The following ANKRD11 variants were observed in gnomAD, a reference collection of about 807,000 sequenced individuals.
The protein encoded by ANKRD11 is ankyrin repeat domain-containing protein 11.
A neutral mutation model predicts 195.7 loss-of-function variants in ANKRD11; 17 were observed. That is an observed-to-expected ratio of 0.09 (90% confidence interval 0.06 to 0.13). The LOEUF is 0.13. Among genes scored for constraint, ANKRD11 ranks in the 10% least tolerant of loss-of-function variants. The pLI is 1.00. For missense variants in ANKRD11, 3,735 were observed against 3,566.1 expected, an observed-to-expected ratio of 1.05 and a Z score of -1.21; for synonymous variants, 1,953 against 1,528.1, an observed-to-expected ratio of 1.28 and a Z score of -6.49.
intron 2 of ANKRD11, chr16:89,324,054 G>A (rs1278678096): frequency 8.2e-6 from 2 of 242,578 alleles, no homozygotes; most frequent in Non-Finnish European, 1.6e-5. Flanking sequence ...GTTTCACCAT[G>A]TTGGCCAGGG....
intron 1 of ANKRD11, chr16:89,431,394 C>A (rs2042971653): frequency 6.5e-6 from 1 of 153,248 alleles, no homozygotes; most frequent in Non-Finnish European, 1.5e-5. Flanking sequence ...CCATGATGAT[C>A]ACACACCCAG....
chr16:89,368,377 T>C (rs955813210), intron 2 of ANKRD11, among the ~76,000 whole-genome samples: 2 of 126,844 alleles, frequency 1.6e-5, no homozygotes, highest in Non-Finnish European at 3.3e-5. Context: ...TTGTGTTTTT[T>C]TTTTTTTTTT....
At chr16:89,471,646 G>C (rs566784678) in intron 1 of ANKRD11, among the ~76,000 whole-genome samples, 1 of 151,782 alleles carries the variant, frequency 6.6e-6, no homozygotes, top group Non-Finnish European at 1.5e-5. Context: ...TTATCCGGGC[G>C]TGGTGGCGGA....
chr16:89,381,331 CAAAAAAAAAAAA>C (rs10567322), intron 2 of ANKRD11, among the ~76,000 whole-genome samples: 3 of 76,354 alleles, frequency 3.9e-5, no homozygotes, highest in Non-Finnish European at 7.0e-5. Flanking sequence ...GACTCTGCTG[CAAAAAAAAAAAA>C]AAAAAAAAAA....
chr16:89,288,455 C>T (rs765541517), intron 7 of ANKRD11, 73 bp downstream of exon 7: 53 of 1,608,330 alleles, frequency 3.3e-5, no homozygotes, highest in East Asian at 8.9e-5. Flanking sequence ...CGGCTAGCTA[C>T]GGGGAAACAA....
At chr16:89,318,431 C>T (rs566897078) in intron 2 of ANKRD11, among the ~76,000 whole-genome samples, 1 of 152,266 alleles carries the variant, frequency 6.6e-6, no homozygotes, top group South Asian at 2.1e-4. Flanking sequence ...GTGCACGTCT[C>T]TGCCCTTTCC....
chr16:89,279,548 TCTC>T lies in ANKRD11; in HGVS notation c.6991_6993del (p.Glu2331del). 2.8e-6 allele frequency: 4 copies of T among 1,407,834 alleles called. No homozygotes were observed. The highest frequency in any genetic ancestry group is 3.8e-6 in the Non-Finnish European group (4 of 1,043,928). The allele number at this position is 1,407,834 out of a possible 1,614,324, so 87.2% of individuals were successfully genotyped here. A position where few individuals can be genotyped will look rare whatever the true frequency, so the allele number is the denominator to read the frequency against. Reference sequence around the variant, plus strand: ...CGGTTCCTGGTCATGCGCTGAGGGATCTCCTCCACTCGGGGGGCCTTCGGGGCT... The same window carrying T: ...CGGTTCCTGGTCATGCGCTGAGGGATCTCCACTCGGGGGGCCTTCGGGGCT... On this transcript the variant is annotated inframe_deletion, in exon 9 of 13. Transcript: ENST00000301030. The surrounding 1 kb of genome is among the most constrained non-coding windows in gnomAD (Gnocchi z 5.6).
chr16:89,332,862 G>T (rs75291582), intron 2 of ANKRD11, among the ~76,000 whole-genome samples: 10,155 of 152,292 alleles, frequency 0.067, 1,097 homozygotes, highest in African/African-American at 0.23. Context: ...ATGCTCAAAT[G>T]TTTTATTACT....
At chr16:89,336,117 C>T (rs1033068658) in intron 2 of ANKRD11, among the ~76,000 whole-genome samples, 2 of 152,214 alleles carry the variant, frequency 1.3e-5, no homozygotes, top group Non-Finnish European at 2.9e-5. Flanking sequence ...TTCAGCCACA[C>T]GGTTTTCTGC....
chr16:89,371,747 C>T (rs2040203778), intron 2 of ANKRD11, among the ~76,000 whole-genome samples: 1 of 152,174 alleles, frequency 6.6e-6, no homozygotes, highest in South Asian at 2.1e-4. Flanking sequence ...CTCCCTCCTG[C>T]ACCCCCTCAG....
In ANKRD11 at chr16:89,460,978, C is replaced by G. The variant is rs183067369; in HGVS notation, c.-145+29267G>C. Reference sequence around the variant, plus strand: ...GGACAAATATCGTATGACCCCCCCCCCCAACAGGAGACGCACCTTGAGTGG... The same window carrying G: ...GGACAAATATCGTATGACCCCCCCCGCCAACAGGAGACGCACCTTGAGTGG... On this transcript the variant is annotated intron_variant, in intron 1 of 12. Transcript: ENST00000301030. Among the ~76,000 whole-genome samples the G allele has an allele frequency of 9.5e-3, 1,023 of 107,326 alleles. 6 individuals carry two copies. Among genetic ancestry groups the G allele is most frequent in the Non-Finnish European group, 0.017 (851 of 51,326 alleles). The allele number at this position is 107,326 out of a possible 152,430, so 70.4% of individuals were successfully genotyped here.
intron 2 of ANKRD11, among the ~76,000 whole-genome samples, chr16:89,319,751 C>T (rs554615452): frequency 1.3e-5 from 2 of 152,374 alleles, no homozygotes; most frequent in East Asian, 3.9e-4. Context: ...CCAGGCTACA[C>T]CTCCCAGGAC....
intron 2 of ANKRD11, among the ~76,000 whole-genome samples, chr16:89,388,691 C>T (rs989740731): frequency 1.3e-5 from 2 of 152,264 alleles, no homozygotes; most frequent in South Asian, 2.1e-4. Flanking sequence ...GGAGGTTTAG[C>T]GGACAGGACG....
intron 2 of ANKRD11, among the ~76,000 whole-genome samples, chr16:89,331,106 A>G (rs1289872896): frequency 2.0e-5 from 3 of 152,088 alleles, no homozygotes; most frequent in Non-Finnish European, 4.4e-5. Context: ...GGTGCCTGCC[A>G]CCATGCCCGG....
chr16:89,440,801 G>T (rs1480414099), intron 1 of ANKRD11, among the ~76,000 whole-genome samples: 1 of 152,294 alleles, frequency 6.6e-6, no homozygotes, highest in Non-Finnish European at 1.5e-5. Context: ...AAGCCTGCCG[G>T]GACTGAAAAT....
At chr16:89,452,482 AG>A (rs1162787033) in intron 1 of ANKRD11, among the ~76,000 whole-genome samples, 1 of 152,088 alleles carries the variant, frequency 6.6e-6, no homozygotes. Context: ...ACAGCGGGTG[AG>A]GACACAGCTG....
chr16:89,360,668 T>C (rs190020571), intron 2 of ANKRD11: 32 of 152,318 alleles, frequency 2.1e-4, no homozygotes, highest in Admixed American at 1.3e-3. Context: ...AGAACGTCGA[T>C]GGTCAACACT....
chr16:89,336,023 T>C (rs1427573736), intron 2 of ANKRD11, among the ~76,000 whole-genome samples: 2 of 152,212 alleles, frequency 1.3e-5, no homozygotes, highest in African/African-American at 2.4e-5. Context: ...AATAAAGAAG[T>C]GATGGCCAAC....
chr16:89,305,486 G>A lies in ANKRD11; in HGVS notation c.88-142C>T, dbSNP rs1187819263. On this transcript the variant is annotated intron_variant, in intron 3 of 12. Coordinates refer to ENST00000301030, the MANE Select transcript of ANKRD11 (RefSeq NM_013275.6). ...CCTGCACCCCAGGGCGTGGCTGTGT[G>A]AGGCTGGTCACCGACCGCAGAACCT... 4.8e-6 allele frequency: 6 copies of A among 1,239,160 alleles called. No homozygotes were observed. In the African/African-American group the frequency reaches 6.0e-5, roughly 12 times the overall value. 76.8% of individuals were successfully genotyped at this position (1,239,160 alleles called of 1,614,324 possible).
Sources: gnomAD v4.1 joint callset for allele counts (sites outside exome capture counted in the v4.1 genomes callset) on GRCh38, gnomAD v4.1.1 for gene constraint, Gnocchi (gnomAD v3.1) non-coding constraint, MANE v1.5 for transcripts, NCBI Gene and HGNC (gene_info 2026-07-23, HGNC 2026-07-21) for gene names.